Variants in LAMP5 observed in about 807,000 individuals in gnomAD.
LAMP5 encodes lysosome associated membrane protein 5.
In LAMP5, 36 loss-of-function variants were observed where a neutral mutation model predicts 30.2. The ratio of observed to expected loss-of-function variants is 1.19; its 90% CI spans 0.91 to 1.57. The LOEUF is 1.57. Among genes scored for constraint, LAMP5 ranks in the 40% most tolerant of loss-of-function variants. The probability of loss-of-function intolerance (pLI) is 0.00; values close to 1 mark genes in which losing one functional copy is unlikely to be tolerated. For missense variants in LAMP5, 377 were observed against 354.9 expected, an observed-to-expected ratio of 1.06 and a Z score of -0.50; for synonymous variants, 149 against 134.6, an observed-to-expected ratio of 1.11 and a Z score of -0.74.
chr20:9,524,595 T>TAAAAAA (rs748114210), intron 5 of LAMP5, among the ~76,000 whole-genome samples: 25 of 82,096 alleles, frequency 3.0e-4, no homozygotes, highest in African/African-American at 7.0e-4. Flanking sequence ...CAGATCGAAC[T>TAAAAAA]AAAAAAAAAA....
intron 1 of LAMP5, 30 bp from the exon 2 acceptor site, chr20:9,515,423 A>C (rs781451000): frequency 1.9e-6 from 3 of 1,601,600 alleles, no homozygotes; most frequent in Admixed American, 1.7e-5. Context: ...TGAGCCCTGA[A>C]CTGATGGAAT....
Position 9,515,990 on chromosome 20 carries a change from G to A in LAMP5, c.238-10G>A. ...CGAGCTGAGGGGGCGCGGGGCGTCTGTGTTCCCAGCTGATCACAGAACAGG... is the reference window on the plus strand; with the variant it reads ...CGAGCTGAGGGGGCGCGGGGCGTCTATGTTCCCAGCTGATCACAGAACAGG... On this transcript the variant is annotated splice_polypyrimidine_tract_variant and intron_variant, in intron 2 of 5. Coordinates refer to ENST00000246070, the MANE Select transcript of LAMP5 (RefSeq NM_012261.4). 1 of 1,494,620 alleles carries A rather than the reference G, an allele frequency of 6.7e-7. No individual in the cohort carries two copies. Among genetic ancestry groups the A allele is most frequent in the Non-Finnish European group, 8.9e-7 (1 of 1,123,602 alleles). The allele number at this position is 1,494,620 out of a possible 1,614,324, so 92.6% of individuals were successfully genotyped here.
intron 5 of LAMP5, among the ~76,000 whole-genome samples, chr20:9,521,775 T>G (rs939925104): frequency 6.6e-6 from 1 of 152,176 alleles, no homozygotes; most frequent in African/African-American, 2.4e-5. Flanking sequence ...AACAAACCAG[T>G]CTGAGTATTC....
Position 9,518,099 on chromosome 20 carries a change from TC to T in LAMP5, c.537del (p.Tyr180MetfsTer22). On this transcript the variant is annotated frameshift_variant, in exon 5 of 6. Coordinates refer to ENST00000246070, the MANE Select transcript of LAMP5 (RefSeq NM_012261.4). LOFTEE classifies it high-confidence loss of function. ...LSALVTPAGK[S>X]YECQAQQTIS... ...TGCCTTGGTCACCCCCGCTGGGAAG[TC>T]CTATGAGTGTCAAGCTCAACAAACC... The T allele has an allele frequency of 6.2e-7, 1 of 1,614,114 alleles. No homozygotes were observed. The highest frequency in any genetic ancestry group is 8.5e-7 in the Non-Finnish European group (1 of 1,179,992).
chr20:9,517,992 G>A (rs760785861), intron 4 of LAMP5, 48 bp from the exon 5 acceptor site: 5 of 883,904 alleles, frequency 5.7e-6, no homozygotes, highest in Admixed American at 4.9e-5. Flanking sequence ...GGCACATTAG[G>A]TTAGGAACAA....
chr20:9,517,718 T>C (rs1327458363), intron 4 of LAMP5, among the ~76,000 whole-genome samples: 1 of 152,020 alleles, frequency 6.6e-6, no homozygotes, highest in East Asian at 1.9e-4. Context: ...CCTTGACCTC[T>C]GAAAGTTTTG....
intron 5 of LAMP5, among the ~76,000 whole-genome samples, chr20:9,523,940 T>C (rs1316459431): frequency 1.3e-5 from 2 of 152,260 alleles, no homozygotes; most frequent in African/African-American, 4.8e-5. Flanking sequence ...AAAATTTATA[T>C]CTTTATTTTC....
chr20:9,526,934 C>T lies in LAMP5; in HGVS notation c.665-2708C>T, dbSNP rs143158504. ...CATACAAAACAGTTGTATTTAGGTA[C>T]AATTGTATGCATTTAAGCATGTAAT... On this transcript the variant is annotated intron_variant, in intron 5 of 5. Coordinates refer to ENST00000246070, the MANE Select transcript of LAMP5 (RefSeq NM_012261.4). Among the ~76,000 whole-genome samples, 573 of 132,144 alleles carry T rather than the reference C, an allele frequency of 4.3e-3. 4 individuals carry two copies. The highest frequency in any genetic ancestry group is 0.015 in the African/African-American group (552 of 36,240). The allele number at this position is 132,144 out of a possible 152,430, so 86.7% of individuals were successfully genotyped here.
In LAMP5 at chr20:9,514,886, G is replaced by A; in HGVS notation, c.34G>A (p.Asp12Asn). 1 of 1,614,166 alleles carries A rather than the reference G, an allele frequency of 6.2e-7. No individual in the cohort carries two copies. Among genetic ancestry groups the A allele is most frequent in the Non-Finnish European group, 8.5e-7 (1 of 1,180,022 alleles). ...DLQGRGVPSI[D>N]RLRVLLMLFH... Reference sequence around the variant, plus strand: ...CCAAGGAAGAGGGGTCCCCAGCATCGACAGACTTCGAGTTCTCCTGATGTT... The same window carrying A: ...CCAAGGAAGAGGGGTCCCCAGCATCAACAGACTTCGAGTTCTCCTGATGTT... Residue 12 changes from aspartate (D) to asparagine (N), a missense_variant, in exon 1 of 6, where the codon GAC becomes AAC. Physicochemically the swap from Asp to Asn is conservative, Grantham distance 23 (BLOSUM62 1). Coordinates refer to ENST00000246070, the MANE Select transcript of LAMP5 (RefSeq NM_012261.4).
At chr20:9,525,121 G>T (rs966411430) in intron 5 of LAMP5, among the ~76,000 whole-genome samples, 3 of 152,002 alleles carry the variant, frequency 2.0e-5, no homozygotes, top group African/African-American at 7.3e-5. Flanking sequence ...AATAAATCAT[G>T]ATAGCATTCT....
chr20:9,515,213 C>T (rs768856806), intron 1 of LAMP5, among the ~76,000 whole-genome samples: 9 of 151,892 alleles, frequency 5.9e-5, no homozygotes, highest in Non-Finnish European at 1.3e-4. Flanking sequence ...TAGAAAACAG[C>T]CAGCTATATT....
intron 5 of LAMP5, among the ~76,000 whole-genome samples, chr20:9,524,301 A>G (rs1298078400): frequency 6.6e-6 from 1 of 152,150 alleles, no homozygotes. Context: ...ATACTTGCAC[A>G]AAAAAGATTA....
rs186156021 is a variant in LAMP5 at position 9,516,481 on chromosome 20, C to A, written c.475+120C>A. The A allele has an allele frequency of 8.5e-4, 710 of 831,852 alleles. 3 individuals carry two copies. The African/African-American group carries it at 0.011, about 12-fold the overall frequency. 51.5% of individuals were successfully genotyped at this position (831,852 alleles called of 1,614,324 possible). A position where few individuals can be genotyped will look rare whatever the true frequency, so the allele number is the denominator to read the frequency against. ...GCTTTGAGGTCCCAGGCCAAGTCTTCCCTCGGCTTGCTCTTTAGGGCGGAA... is the reference window on the plus strand; with the variant it reads ...GCTTTGAGGTCCCAGGCCAAGTCTTACCTCGGCTTGCTCTTTAGGGCGGAA... On this transcript the variant is annotated intron_variant, in intron 4 of 5. Transcript: ENST00000246070.
chr20:9,516,290 C>T lies in LAMP5; in HGVS notation c.404C>T (p.Thr135Ile), dbSNP rs551482155. The change falls in exon 4 of 6, where the codon ACT becomes ATT. Residue 135 changes from threonine to isoleucine, a missense_variant. Thr to Ile is a moderately conservative substitution (Grantham distance 89). Transcript: ENST00000246070. ...AACATGTCCAAGGGACCTGAGGCGA[C>T]TTGGAGGCTGAGCAAAGTGCAGTTT... ...SHNMSKGPEA[T>I]WRLSKVQFVY... 1 of 1,614,168 alleles carries T rather than the reference C, an allele frequency of 6.2e-7. No homozygotes were observed. Among genetic ancestry groups the T allele is most frequent in the African/African-American group, 1.3e-5 (1 of 75,040 alleles).
In LAMP5 at chr20:9,529,994, ACT is replaced by A. The variant is rs2045140107; in HGVS notation, c.*177_*178del. ...ATGCTTAAACCCACGGAAGGGGGAG[ACT>A]CTTTCGGATTTGTAGGGTGAAATGG... On this transcript the variant is annotated 3_prime_UTR_variant, in exon 6 of 6. Coordinates refer to ENST00000246070, the MANE Select transcript of LAMP5 (RefSeq NM_012261.4). 3.6e-6 allele frequency: 2 copies of A among 552,156 alleles called. No homozygotes were observed. The highest frequency in any genetic ancestry group is 6.2e-6 in the Non-Finnish European group (2 of 323,400). The allele number at this position is 552,156 out of a possible 1,614,324, so 34.2% of individuals were successfully genotyped here. A position where few individuals can be genotyped will look rare whatever the true frequency, so the allele number is the denominator to read the frequency against.
chr20:9,517,329 T>G (rs1051558020), intron 4 of LAMP5, among the ~76,000 whole-genome samples: 9 of 152,188 alleles, frequency 5.9e-5, no homozygotes, highest in African/African-American at 2.2e-4. Flanking sequence ...GGACCAGCAA[T>G]CTGTCCGGCT....
rs868495899 is a variant in LAMP5, at chr20:9,519,212, A to G, written c.664+984A>G. 5.3e-5 allele frequency among the ~76,000 whole-genome samples: 8 copies of G among 152,208 alleles called. No individual in the cohort carries two copies. In the South Asian group the frequency reaches 1.2e-3, roughly 24 times the overall value. Reference sequence around the variant, plus strand: ...AAATTTTATATTCTGTTTATTCTACATGGAAAAAAAATCAGAAAAAATTTT... The same window carrying G: ...AAATTTTATATTCTGTTTATTCTACGTGGAAAAAAAATCAGAAAAAATTTT... On this transcript the variant is annotated intron_variant, in intron 5 of 5. Transcript: ENST00000246070.
rs1036097944 is a variant in LAMP5, at chr20:9,517,166, A to AT, written c.475+811dup. ...TTTTTGTTATCACAGTAAAAGGAGG[A>AT]TTTTTTCTTTTTCATCAAAGTTTAG... On this transcript the variant is annotated intron_variant, in intron 4 of 5. Coordinates refer to ENST00000246070, the MANE Select transcript of LAMP5 (RefSeq NM_012261.4). 2.0e-5 allele frequency among the ~76,000 whole-genome samples: 3 copies of AT among 152,124 alleles called. No individual in the cohort carries two copies. In the South Asian group the frequency reaches 6.2e-4, roughly 32 times the overall value.
intron 5 of LAMP5, among the ~76,000 whole-genome samples, chr20:9,526,730 G>T (rs1402041620): frequency 6.6e-6 from 1 of 151,648 alleles, no homozygotes; most frequent in Non-Finnish European, 1.5e-5. Context: ...GCTCAGTTTA[G>T]TCCTAATAAG....
Sources: allele counts gnomAD v4.1 joint callset (sites outside exome capture counted in the v4.1 genomes callset), GRCh38; gene constraint gnomAD v4.1.1; transcripts MANE v1.5; gene names NCBI Gene and HGNC (gene_info 2026-07-23, HGNC 2026-07-21).